The following GPRC6A variants were observed in gnomAD, a reference collection of about 807,000 sequenced individuals.
GPRC6A encodes G protein-coupled receptor family C group 6 member A.
In GPRC6A, 54 loss-of-function variants were observed where a neutral mutation model predicts 47.0. The observed-to-expected ratio is 1.15, with a 90% CI of 0.92 to 1.44. GPRC6A has a LOEUF of 1.44. Ranked by LOEUF, GPRC6A falls within the 40% of genes most tolerant of loss-of-function variation. The pLI, the probability that GPRC6A is intolerant of heterozygous loss-of-function variation, is 0.00. For missense variants in GPRC6A, 1,112 were observed against 1,105.5 expected (o/e 1.01, Z -0.08); for synonymous variants, 347 against 377.1 (o/e 0.92, Z 0.93).
chr6:116,806,994 C>T lies in GPRC6A; in HGVS notation c.711G>A (p.Val237=). 3 of 1,613,654 alleles carry T rather than the reference C, an allele frequency of 1.9e-6. No individual in the cohort carries two copies. In the South Asian group the frequency reaches 3.3e-5, roughly 18 times the overall value. Reference sequence around the variant, plus strand: ...GAAGAACCTCTTTGAAGGCTATGCACACGTTATTTGCTTCAGCCTGAATTA... The same window carrying T: ...GAAGAACCTCTTTGAAGGCTATGCATACGTTATTTGCTTCAGCCTGAATTA... ...TFIIQAEANN[V]CIAFKEVLPA... is the part of the protein sequence containing the mutation. Residue 237 remains valine (V), a synonymous_variant, in exon 3 of 6, where the codon GTG becomes GTA. Transcript: ENST00000310357.
intron 4 of GPRC6A, 95 bp downstream of exon 4, chr6:116,800,489 G>A (rs995615866): frequency 3.9e-6 from 3 of 774,424 alleles, no homozygotes; most frequent in Non-Finnish European, 7.0e-6. Context: ...ATTGTGTTTG[G>A]CCAGATGAGT....
In GPRC6A at chr6:116,792,228, G is replaced by A. The variant is rs750148259; in HGVS notation, c.2695C>T (p.Gln899Ter). 2 of 1,614,006 alleles carry A rather than the reference G, an allele frequency of 1.2e-6. No homozygotes were observed. The highest frequency in any genetic ancestry group is 1.7e-6 in the Non-Finnish European group (2 of 1,179,932). Residue 899 changes from glutamine to a stop codon, truncating the protein, a stop_gained, in exon 6 of 6, where the codon CAG (glutamine) becomes TAG (stop). Coordinates refer to ENST00000310357, the MANE Select transcript of GPRC6A (RefSeq NM_148963.4). LOFTEE classifies it low-confidence loss of function (END_TRUNC). ...CATATGTGTGCAAATGCTTGTGCCTGAAGATCTTTGCTTTTCTGCCAGGTT... is the reference window on the plus strand; with the variant it reads ...CATATGTGTGCAAATGCTTGTGCCTAAAGATCTTTGCTTTTCTGCCAGGTT... Reference protein sequence around the residue: ...SATWQKSKDLQAQAFAHICRE... With the variant: ...SATWQKSKDL
At chr6:116,818,792 G>A (rs1028242425) in intron 1 of GPRC6A, among the ~76,000 whole-genome samples, 9 of 151,022 alleles carry the variant, frequency 6.0e-5, no homozygotes, top group African/African-American at 2.2e-4. Context: ...GGAAGAAACT[G>A]CATCAACTAA....
chr6:116,825,330 G>T (rs916655148), intron 1 of GPRC6A, among the ~76,000 whole-genome samples: 6 of 151,912 alleles, frequency 3.9e-5, no homozygotes, highest in African/African-American at 1.2e-4. Flanking sequence ...CTTATATTTA[G>T]AAATACCAAA....
At chr6:116,805,517 C>A (rs910604041) in intron 3 of GPRC6A, among the ~76,000 whole-genome samples, 1 of 151,880 alleles carries the variant, frequency 6.6e-6, no homozygotes, top group Admixed American at 6.6e-5. Context: ...ACAAGTTTGC[C>A]TTTGAATACA....
In GPRC6A at chr6:116,795,802, G is replaced by C. The variant is rs142066905; in HGVS notation, c.1582C>G (p.Pro528Ala). 4.4e-6 allele frequency: 7 copies of C among 1,606,706 alleles called. No individual in the cohort carries two copies. The East Asian group carries it at 1.6e-4, about 36-fold the overall frequency. Residue 528 changes from proline to alanine, a missense_variant, in exon 5 of 6, where the codon CCT (proline) becomes GCT (alanine). Transcript: ENST00000310357. ...CTTGTAGTTTTCTTCATTTGCCCAG[G>C]ACTGCATTCCTTGGAGCATTTAGAT... The part of the protein sequence containing the change: ...IQSKCSKECS[P>A]GQMKKTTRSQ...
chr6:116,811,371 A>G (rs147629167), intron 1 of GPRC6A, among the ~76,000 whole-genome samples: 65 of 152,272 alleles, frequency 4.3e-4, no homozygotes, highest in African/African-American at 1.4e-3. Flanking sequence ...ATATATTAAC[A>G]TAAGAACACA....
rs1394202802 is a variant in GPRC6A at position 116,828,879 on chromosome 6, A to G, written c.135T>C (p.His45=). 6.2e-7 allele frequency: 1 copy of G among 1,613,172 alleles called. No homozygotes were observed. Among genetic ancestry groups the G allele is most frequent in the African/African-American group, 1.3e-5 (1 of 74,866 alleles). Residue 45 remains histidine (H), a synonymous_variant, in exon 1 of 6, where the codon CAT becomes CAC. Transcript: ENST00000310357. ...AGTCTTCTGAGGACAACATTTTTTC[A>G]TGAATAGCAAACAAACCTCCAATTA... ...HIIIGGLFAI[H]EKMLSSEDSP... is the part of the protein sequence containing the mutation.
At chr6:116,823,119 T>TG (rs1159187849) in intron 1 of GPRC6A, among the ~76,000 whole-genome samples, 1 of 152,122 alleles carries the variant, frequency 6.6e-6, no homozygotes, top group Non-Finnish European at 1.5e-5. Flanking sequence ...TGTTTTGTTT[T>TG]TTCTAACACA....
At chr6:116,816,692 A>G (rs1478000441) in intron 1 of GPRC6A, among the ~76,000 whole-genome samples, 1 of 152,252 alleles carries the variant, frequency 6.6e-6, no homozygotes, top group Non-Finnish European at 1.5e-5. Flanking sequence ...ACCGTGCGCG[A>G]ACCGAAGCAG....
At chr6:116,796,099 G>A (rs1048853365) in intron 4 of GPRC6A, among the ~76,000 whole-genome samples, 7 of 151,968 alleles carry the variant, frequency 4.6e-5, no homozygotes, top group Admixed American at 1.3e-4. Flanking sequence ...AAAGTCCCTA[G>A]TAGAGGGAGA....
At position 116,795,796 on chromosome 6, in the gene GPRC6A, G is replaced by T; in HGVS notation, c.1588C>A (p.Gln530Lys). The change falls in exon 5 of 6, where the codon CAA becomes AAA. Residue 530 changes from glutamine to lysine, a missense_variant. Coordinates refer to ENST00000310357, the MANE Select transcript of GPRC6A (RefSeq NM_148963.4). Reference protein sequence around the residue: ...SKCSKECSPGQMKKTTRSQHI... With the variant: ...SKCSKECSPGKMKKTTRSQHI... Reference sequence around the variant, plus strand: ...TGACTTCTTGTAGTTTTCTTCATTTGCCCAGGACTGCATTCCTTGGAGCAT... The same window carrying T: ...TGACTTCTTGTAGTTTTCTTCATTTTCCCAGGACTGCATTCCTTGGAGCAT... 6.2e-7 allele frequency: 1 copy of T among 1,606,776 alleles called. No individual in the cohort carries two copies. The highest frequency in any genetic ancestry group is 8.5e-7 in the Non-Finnish European group (1 of 1,174,172).
chr6:116,825,792 C>T (rs1331380578), intron 1 of GPRC6A, among the ~76,000 whole-genome samples: 2 of 151,772 alleles, frequency 1.3e-5, no homozygotes, highest in Non-Finnish European at 2.9e-5. Context: ...ATCAAACTAC[C>T]TGACAAAATT....
chr6:116,818,564 A>T (rs1472453793), intron 1 of GPRC6A, among the ~76,000 whole-genome samples: 1,300 of 119,672 alleles, frequency 0.011, 36 homozygotes, highest in African/African-American at 0.04. Context: ...AAAAAAAAAA[A>T]AAAAAAGAAT....
intron 3 of GPRC6A, among the ~76,000 whole-genome samples, chr6:116,803,217 T>A (rs1779915113): frequency 6.6e-6 from 1 of 152,094 alleles, no homozygotes; most frequent in Admixed American, 6.6e-5. Context: ...TCCTCCCTCT[T>A]AAATATCCAT....
At chr6:116,801,674 A>G (rs1772680144) in intron 3 of GPRC6A, among the ~76,000 whole-genome samples, 1 of 152,186 alleles carries the variant, frequency 6.6e-6, no homozygotes. Flanking sequence ...TCAATAGAAT[A>G]TAAAAAATAA....
At chr6:116,797,181 A>G (rs7761566) in intron 4 of GPRC6A, among the ~76,000 whole-genome samples, 45,216 of 151,734 alleles carry the variant, frequency 0.3, 7,224 homozygotes, top group East Asian at 0.53. Context: ...ATGATTTCCA[A>G]TTTCATCCAT....
In GPRC6A at chr6:116,793,037, C is replaced by A; in HGVS notation, c.1886G>T (p.Gly629Val). 2.5e-6 allele frequency: 4 copies of A among 1,613,966 alleles called. No individual in the cohort carries two copies. Among genetic ancestry groups the A allele is most frequent in the Non-Finnish European group, 3.4e-6 (4 of 1,179,920 alleles). ...AAGGATCACATAGCAGACTCTTAAT[C>A]CCCCGGATGATTTCACAACAGGTGT... is the stretch of plus-strand genomic sequence containing the variant. ...LNTPVVKSSG[G>V]LRVCYVILLC... The change falls in exon 6 of 6, where the codon GGA (glycine) becomes GTA (valine). Residue 629 changes from glycine (G) to valine (V), a missense_variant. Coordinates refer to ENST00000310357, the MANE Select transcript of GPRC6A (RefSeq NM_148963.4).
At chr6:116,800,548 C>T in intron 4 of GPRC6A, 36 bp downstream of exon 4, 1 of 1,393,752 alleles carries the variant, frequency 7.2e-7, no homozygotes, top group Non-Finnish European at 1.0e-6. Flanking sequence ...GTACCAATTG[C>T]TTTGAGTGCT....
Sources: allele counts gnomAD v4.1 joint callset (sites outside exome capture counted in the v4.1 genomes callset), GRCh38; gene constraint gnomAD v4.1.1; transcripts MANE v1.5; gene names NCBI Gene and HGNC (gene_info 2026-07-23, HGNC 2026-07-21).